The following ANKRD6 variants were observed in gnomAD, a reference collection of about 807,000 sequenced individuals.
ANKRD6 encodes ankyrin repeat domain-containing protein 6.
A neutral mutation model predicts 82.3 loss-of-function variants in ANKRD6; 56 were observed. That is an observed-to-expected ratio of 0.68 (90% confidence interval 0.55 to 0.85). ANKRD6 has a LOEUF of 0.85. Among genes scored for constraint, ANKRD6 ranks in the 40% least tolerant of loss-of-function variants. The pLI, the probability that ANKRD6 is intolerant of heterozygous loss-of-function variation, is 0.00. For synonymous variants in ANKRD6, 347 were observed against 352.1 expected (o/e 0.99, Z 0.16); for missense variants, 852 against 907.6 (o/e 0.94, Z 0.79).
At chr6:89,446,553 TG>T (rs1772112067) in intron 1 of ANKRD6, among the ~76,000 whole-genome samples, 1 of 151,952 alleles carries the variant, frequency 6.6e-6, no homozygotes, top group South Asian at 2.1e-4. Context: ...AGCCAAGTTG[TG>T]AATGCAAAGG....
intron 5 of ANKRD6, among the ~76,000 whole-genome samples, chr6:89,611,175 T>TG (rs1800152108): frequency 6.6e-6 from 1 of 150,998 alleles, no homozygotes. Flanking sequence ...TCCTCTATTT[T>TG]TTTTTTTTTT....
intron 1 of ANKRD6, among the ~76,000 whole-genome samples, chr6:89,490,346 G>C (rs1777871705): frequency 6.6e-6 from 1 of 152,214 alleles, no homozygotes; most frequent in Non-Finnish European, 1.5e-5. Context: ...TTCCCCACCA[G>C]GTGTTGTGTA....
intron 2 of ANKRD6, among the ~76,000 whole-genome samples, chr6:89,571,296 C>T (rs1321866128): frequency 3.9e-5 from 6 of 152,086 alleles, no homozygotes; most frequent in Non-Finnish European, 2.9e-5. Context: ...CCTCGTGATC[C>T]GCTGGCCTTG....
At chr6:89,593,509 G>A (rs186366477) in intron 2 of ANKRD6, among the ~76,000 whole-genome samples, 222 of 152,220 alleles carry the variant, frequency 1.5e-3, no homozygotes, top group Non-Finnish European at 2.5e-3. Context: ...CCACTTTTTT[G>A]GGGAGTGATT....
At chr6:89,484,614 AAT>A (rs1777162566) in intron 1 of ANKRD6, among the ~76,000 whole-genome samples, 2 of 152,232 alleles carry the variant, frequency 1.3e-5, no homozygotes, top group African/African-American at 2.4e-5. Context: ...TGCCTTTTGC[AAT>A]ATGAGTTCAG....
At chr6:89,602,685 C>A in intron 3 of ANKRD6, 1 of 256,228 alleles carries the variant, frequency 3.9e-6, no homozygotes, top group Non-Finnish European at 7.8e-6. Context: ...TAGCACACAC[C>A]TGCCCTCACA....
chr6:89,587,132 A>G (rs1438517058), intron 2 of ANKRD6, among the ~76,000 whole-genome samples: 1 of 148,550 alleles, frequency 6.7e-6, no homozygotes, highest in Non-Finnish European at 1.5e-5. Flanking sequence ...CATAGGTTGC[A>G]GTGAGTTGAG....
intron 1 of ANKRD6, among the ~76,000 whole-genome samples, chr6:89,435,482 T>C (rs922113207): frequency 2.0e-5 from 3 of 152,202 alleles, no homozygotes; most frequent in Non-Finnish European, 4.4e-5. Context: ...GCATTCTTTA[T>C]TTTTCTTTTT....
At chr6:89,440,429 GTCT>G (rs1186027838) in intron 1 of ANKRD6, among the ~76,000 whole-genome samples, 1 of 152,196 alleles carries the variant, frequency 6.6e-6, no homozygotes, top group Non-Finnish European at 1.5e-5. Context: ...ACCTAAAGCT[GTCT>G]TCTGTGACTA....
At chr6:89,532,141 A>G (rs1783236155) in intron 1 of ANKRD6, among the ~76,000 whole-genome samples, 1 of 152,222 alleles carries the variant, frequency 6.6e-6, no homozygotes, top group South Asian at 2.1e-4. Flanking sequence ...TATGGAACCA[A>G]TCTGCTTTAT....
chr6:89,491,095 G>T (rs1286711453), intron 1 of ANKRD6, among the ~76,000 whole-genome samples: 1 of 152,088 alleles, frequency 6.6e-6, no homozygotes, highest in Non-Finnish European at 1.5e-5. Flanking sequence ...AGCTGGAAGG[G>T]TTCTCCCCAA....
At chr6:89,624,795 A>G in intron 13 of ANKRD6, 104 bp downstream of exon 13, 1 of 1,320,174 alleles carries the variant, frequency 7.6e-7, no homozygotes, top group Non-Finnish European at 1.0e-6. Flanking sequence ...GGGAGTGTCC[A>G]GTGGGCTGTC....
At chr6:89,605,883 ATGAGAAAGTCCAAT>A (rs1454996812) in intron 4 of ANKRD6, 110 bp from the exon 5 acceptor site, 2 of 550,918 alleles carry the variant, frequency 3.6e-6, no homozygotes, top group African/African-American at 3.7e-5. Context: ...TGTGGCTCAG[ATGAGAAAGTCCAAT>A]TGAGAAAGGC....
Position 89,623,897 on chromosome 6 carries a change from C to G in ANKRD6, c.1058C>G (p.Pro353Arg), listed in dbSNP as rs1283800487. The G allele has an allele frequency of 6.2e-7, 1 of 1,613,654 alleles. No homozygotes were observed. The highest frequency in any genetic ancestry group is 8.5e-7 in the Non-Finnish European group (1 of 1,179,720). Residue 353 changes from proline (P) to arginine (R), a missense_variant, in exon 12 of 16, where the codon CCA becomes CGA. Coordinates refer to ENST00000339746, the MANE Select transcript of ANKRD6 (RefSeq NM_001242809.2). ...PKVSAFSDPT[P>R]PADQQPGHQK... is the part of the protein sequence containing the mutation. ...GTGTCAGCATTTTCTGACCCCACCC[C>G]ACCAGCCGACCAACAGCCTGGACAC...
intron 1 of ANKRD6, among the ~76,000 whole-genome samples, chr6:89,545,777 G>C (rs1280293853): frequency 6.6e-6 from 1 of 152,116 alleles, no homozygotes; most frequent in East Asian, 1.9e-4. Context: ...ATTATTAAAA[G>C]ATGGCATCTG....
chr6:89,571,130 CA>C (rs1789782858), intron 2 of ANKRD6, among the ~76,000 whole-genome samples: 1 of 152,158 alleles, frequency 6.6e-6, no homozygotes, highest in Admixed American at 6.5e-5. Context: ...TGGCTCACTG[CA>C]AGCTCCACCT....
At chr6:89,606,193 A>G in intron 5 of ANKRD6, 88 bp downstream of exon 5, 1 of 1,099,136 alleles carries the variant, frequency 9.1e-7, no homozygotes, top group Non-Finnish European at 1.3e-6. Flanking sequence ...TTCCAGTGAG[A>G]AGAGTGAGAG....
chr6:89,565,971 A>G (rs890694180), intron 1 of ANKRD6, among the ~76,000 whole-genome samples: 2 of 152,252 alleles, frequency 1.3e-5, no homozygotes, highest in East Asian at 1.9e-4. Flanking sequence ...CAGCCCAGGT[A>G]TACTGGGGGG....
At chr6:89,505,916 T>C (rs1025265371) in intron 1 of ANKRD6, among the ~76,000 whole-genome samples, 2 of 152,182 alleles carry the variant, frequency 1.3e-5, no homozygotes, top group African/African-American at 4.8e-5. Context: ...TGCGAAAACA[T>C]GCGTGAACCT....
Sources: allele counts gnomAD v4.1 joint callset (sites outside exome capture counted in the v4.1 genomes callset), GRCh38; gene constraint gnomAD v4.1.1; transcripts MANE v1.5; gene names NCBI Gene and HGNC (gene_info 2026-07-23, HGNC 2026-07-21).